The following ADAP1 variants were observed in gnomAD, a reference collection of about 807,000 sequenced individuals.
The protein encoded by ADAP1 is ArfGAP with dual PH domains 1, also known as arf-GAP with dual PH domain-containing protein 1.
Under a neutral mutation model 54.9 loss-of-function variants are expected in ADAP1, and 31 were observed. That is an observed-to-expected ratio of 0.56 (90% CI 0.42 to 0.76). ADAP1 has a LOEUF of 0.76. ADAP1 is among the 30% of genes least tolerant of loss of function. ADAP1 has a pLI of 0.00. For synonymous variants in ADAP1, 313 were observed against 202.6 expected, an observed-to-expected ratio of 1.55 and a Z score of -4.63; for missense variants, 535 against 512.4, an observed-to-expected ratio of 1.04 and a Z score of -0.42.
chr7:904,012 CT>C (rs1844957240), intron 6 of ADAP1, 113 bp downstream of exon 6: 1 of 1,410,240 alleles, frequency 7.1e-7, no homozygotes, highest in Admixed American at 2.2e-5. Context: ...CTCATGCCGC[CT>C]AGCTCAAGTG....
chr7:918,117 G>A (rs748540207), intron 4 of ADAP1, among the ~76,000 whole-genome samples: 7 of 152,116 alleles, frequency 4.6e-5, no homozygotes, highest in Admixed American at 6.6e-5. Flanking sequence ...TAGTAGAGAC[G>A]GGGTTTCACC....
chr7:899,775 G>A (rs551604643), intron 8 of ADAP1, among the ~76,000 whole-genome samples: 109 of 152,190 alleles, frequency 7.2e-4, no homozygotes, highest in African/African-American at 2.3e-3. Context: ...CTTCTCCTCC[G>A]GGACCACCAA....
rs558990621 is a variant in ADAP1, at chr7:915,259, G to A, written c.388+4709C>T. Among the ~76,000 whole-genome samples the A allele has an allele frequency of 9.2e-5, 14 of 152,206 alleles. No homozygotes were observed. The South Asian group carries it at 2.7e-3, about 29-fold the overall frequency. On this transcript the variant is annotated intron_variant, in intron 4 of 10. Coordinates refer to ENST00000265846, the MANE Select transcript of ADAP1 (RefSeq NM_006869.4). ...CACACCTCGCCTGTGCATCTCACCT[G>A]TGCCGCACACACCCGTACATCTCGT... is the stretch of plus-strand genomic sequence containing the variant.
chr7:934,591 TCCCACCGGG>T (rs1846688714), intron 2 of ADAP1, among the ~76,000 whole-genome samples: 4 of 151,962 alleles, frequency 2.6e-5, no homozygotes, highest in Admixed American at 2.6e-4. Context: ...GGGGTGACCC[TCCCACCGGG>T]TCTTCAGGCC....
chr7:898,777 G>T lies in ADAP1; in HGVS notation c.*144C>A. The T allele has an allele frequency of 9.1e-7, 1 of 1,097,320 alleles. No homozygotes were observed. Among genetic ancestry groups the T allele is most frequent in the Non-Finnish European group, 1.3e-6 (1 of 759,190 alleles). The allele number at this position is 1,097,320 out of a possible 1,614,324, so 68.0% of individuals were successfully genotyped here. ...CCAGAGAAGCATCCTGGAAGCTGAAGCTCGGGCCCTACCTGGCCGCGCCGG... is the reference window on the plus strand; with the variant it reads ...CCAGAGAAGCATCCTGGAAGCTGAATCTCGGGCCCTACCTGGCCGCGCCGG... On this transcript the variant is annotated 3_prime_UTR_variant, in exon 11 of 11. Coordinates refer to ENST00000265846, the MANE Select transcript of ADAP1 (RefSeq NM_006869.4).
At chr7:950,467 C>A (rs1847239357) in intron 1 of ADAP1, among the ~76,000 whole-genome samples, 1 of 129,578 alleles carries the variant, frequency 7.7e-6, no homozygotes, top group South Asian at 2.4e-4. Flanking sequence ...GCCTGGGCGA[C>A]AGAATGAGAC....
chr7:925,103 C>T (rs1364853313), intron 3 of ADAP1, among the ~76,000 whole-genome samples: 3 of 152,186 alleles, frequency 2.0e-5, no homozygotes, highest in Admixed American at 6.5e-5. Context: ...TCTCCAGGCT[C>T]ACGGGAGGCT....
rs772711275 is a variant in ADAP1 at position 900,631 on chromosome 7, G to GGCAAAGGCA, written c.649-16_649-15insTGCCTTTGC. ...TCCACAATCTCCTAGGGGCAAAGGT[G>GGCAAAGGCA]GGCACAGGCTTGGGCTGAGGAGGCT... On this transcript the variant is annotated splice_polypyrimidine_tract_variant and intron_variant, in intron 6 of 10. Coordinates refer to ENST00000265846, the MANE Select transcript of ADAP1 (RefSeq NM_006869.4). 2.1e-5 allele frequency: 32 copies of GGCAAAGGCA among 1,508,380 alleles called. No individual in the cohort carries two copies. Among genetic ancestry groups the GGCAAAGGCA allele is most frequent in the Admixed American group, 2.0e-4 (10 of 49,336 alleles). 93.4% of individuals were successfully genotyped at this position (1,508,380 alleles called of 1,614,324 possible). A position where few individuals can be genotyped will look rare whatever the true frequency, so the allele number is the denominator to read the frequency against.
chr7:948,163 C>T (rs1250740500), intron 1 of ADAP1, among the ~76,000 whole-genome samples: 1 of 151,868 alleles, frequency 6.6e-6, no homozygotes, highest in Non-Finnish European at 1.5e-5. Context: ...CAGCCCCCAT[C>T]CTGAATCTGC....
At position 900,545 on chromosome 7, in the gene ADAP1, G is replaced by T. The variant is rs763888056; in HGVS notation, c.720C>A (p.Ala240=). The change falls in exon 7 of 11, where the codon GCC becomes GCA. Residue 240 remains alanine (A), a synonymous_variant. Coordinates refer to ENST00000265846, the MANE Select transcript of ADAP1 (RefSeq NM_006869.4). Reference sequence around the variant, plus strand: ...GGCCGCCACTCACATCTGCGTCGCCGGCCCCTGGGAATGCCACCTGCAGGT... The same window carrying T: ...GGCCGCCACTCACATCTGCGTCGCCTGCCCCTGGGAATGCCACCTGCAGGT... ...FHYLQVAFPG[A]GDADLVPKLS... 3 of 1,605,726 alleles carry T rather than the reference G, an allele frequency of 1.9e-6. No individual in the cohort carries two copies. The highest frequency in any genetic ancestry group is 2.6e-6 in the Non-Finnish European group (3 of 1,176,462).
Position 935,521 on chromosome 7 carries a change from G to A in ADAP1, c.83-16C>T, listed in dbSNP as rs1391879441. 5.8e-6 allele frequency: 9 copies of A among 1,558,534 alleles called. No individual in the cohort carries two copies. Among genetic ancestry groups the A allele is most frequent in the Admixed American group, 1.9e-5 (1 of 51,908 alleles). Reference sequence around the variant, plus strand: ...CAGTCGGGATCTGCAAGGGAAAGCCGGACGTTCACGGAGGCTCAGCCCAGG... The same window carrying A: ...CAGTCGGGATCTGCAAGGGAAAGCCAGACGTTCACGGAGGCTCAGCCCAGG... On this transcript the variant is annotated splice_polypyrimidine_tract_variant and intron_variant, in intron 1 of 10. Coordinates refer to ENST00000265846, the MANE Select transcript of ADAP1 (RefSeq NM_006869.4).
chr7:906,443 GA>G (rs760348259), intron 4 of ADAP1, among the ~76,000 whole-genome samples: 9 of 109,788 alleles, frequency 8.2e-5, no homozygotes, highest in Admixed American at 2.0e-4. Context: ...AAGGAGAAAG[GA>G]GAAAGGAGAA....
At chr7:935,342 T>G (rs769683739) in intron 2 of ADAP1, 33 bp downstream of exon 2, 2 of 1,546,320 alleles carry the variant, frequency 1.3e-6, no homozygotes, top group Admixed American at 2.0e-5. Context: ...ACCCGGGGAC[T>G]GCGCGGGTCC....
intron 2 of ADAP1, among the ~76,000 whole-genome samples, chr7:933,318 C>T (rs1053730788): frequency 1.7e-4 from 26 of 152,080 alleles, no homozygotes; most frequent in Admixed American, 4.6e-4. Flanking sequence ...CTGCCTCAGC[C>T]TCCTGAGTGG....
intron 2 of ADAP1, among the ~76,000 whole-genome samples, chr7:933,326 T>A (rs1224315105): frequency 6.6e-6 from 1 of 150,524 alleles, no homozygotes; most frequent in Admixed American, 6.6e-5. Flanking sequence ...GCCTCCTGAG[T>A]GGCTGGGATT....
At chr7:948,795 C>T (rs980249957) in intron 1 of ADAP1, among the ~76,000 whole-genome samples, 7 of 152,184 alleles carry the variant, frequency 4.6e-5, no homozygotes, top group Non-Finnish European at 5.9e-5. Flanking sequence ...CTACCAGGTT[C>T]GAGCGATTCT....
chr7:937,978 T>C (rs1846830683), intron 1 of ADAP1, among the ~76,000 whole-genome samples: 1 of 152,174 alleles, frequency 6.6e-6, no homozygotes, highest in African/African-American at 2.4e-5. Context: ...CTAACAGCCC[T>C]ACTTCAGCAG....
intron 4 of ADAP1, among the ~76,000 whole-genome samples, chr7:913,486 G>A (rs548362960): frequency 2.6e-5 from 4 of 152,134 alleles, no homozygotes; most frequent in Non-Finnish European, 5.9e-5. Context: ...CAGGCGTGAG[G>A]CACCGCGCCC....
At chr7:914,255 G>A (rs930765605) in intron 4 of ADAP1, among the ~76,000 whole-genome samples, 1 of 152,230 alleles carries the variant, frequency 6.6e-6, no homozygotes, top group Non-Finnish European at 1.5e-5. Flanking sequence ...GTGGGGTTGT[G>A]GGTGTGGCAG....
Sources: gnomAD v4.1 joint callset for allele counts (sites outside exome capture counted in the v4.1 genomes callset) on GRCh38, gnomAD v4.1.1 for gene constraint, MANE v1.5 for transcripts, NCBI Gene and HGNC (gene_info 2026-07-23, HGNC 2026-07-21) for gene names.